MYO16: variants seen among roughly 807,000 people sequenced by gnomAD.
MYO16 encodes myosin XVI, also known as unconventional myosin-XVI.
A neutral mutation model predicts 205.3 loss-of-function variants in MYO16; 94 were observed. The observed-to-expected ratio is 0.46, with a 90% CI of 0.39 to 0.54. The LOEUF (loss-of-function observed/expected upper bound fraction) is 0.54, where lower values mean the gene tolerates loss of function less well. Among genes scored for constraint, MYO16 ranks in the 20% least tolerant of loss-of-function variants. MYO16 has a pLI of 0.00. For synonymous variants in MYO16, 988 were observed against 954.0 expected (o/e 1.04, Z -0.66); for missense variants, 2,315 against 2,387.5 (o/e 0.97, Z 0.63).
intron 2 of MYO16, among the ~76,000 whole-genome samples, chr13:108,679,090 G>A (rs955458463): frequency 6.6e-6 from 1 of 152,128 alleles, no homozygotes; most frequent in Non-Finnish European, 1.5e-5. Context: ...CCACCTCCTA[G>A]TACCATCACA....
chr13:108,635,531 C>T (rs1180750086), intron 1 of MYO16, among the ~76,000 whole-genome samples: 2 of 149,706 alleles, frequency 1.3e-5, no homozygotes, highest in Non-Finnish European at 3.0e-5. Flanking sequence ...GAGGGAGTCT[C>T]ACTCTGTCAC....
At position 109,047,311 on chromosome 13, in the gene MYO16, C is replaced by T. The variant is rs529589427; in HGVS notation, c.2872+320C>T. Reference sequence around the variant, plus strand: ...TAATGAAGATGAGTATGGCTTCCAACGTTATTTAAGCCACAACAGGGAGAA... The same window carrying T: ...TAATGAAGATGAGTATGGCTTCCAATGTTATTTAAGCCACAACAGGGAGAA... On this transcript the variant is annotated intron_variant, in intron 24 of 34. Transcript: ENST00000457511. Among the ~76,000 whole-genome samples, 8 of 152,172 alleles carry T rather than the reference C, an allele frequency of 5.3e-5. No individual in the cohort carries two copies. In the South Asian group the frequency reaches 1.5e-3, roughly 28 times the overall value.
Position 109,063,357 on chromosome 13 carries a change from C to G in MYO16, c.3335+7762C>G, listed in dbSNP as rs200004502. On this transcript the variant is annotated intron_variant, in intron 27 of 34. Transcript: ENST00000457511. ...TATAAAGACTTAAGGACTCTGTCTT[C>G]AATGGCAAGAGACTTCACTAGTTTG... is the stretch of plus-strand genomic sequence containing the variant. Among the ~76,000 whole-genome samples, 52 of 152,238 alleles carry G rather than the reference C, an allele frequency of 3.4e-4. No individual in the cohort carries two copies. The East Asian group carries it at 9.8e-3, about 29-fold the overall frequency.
chr13:108,636,361 T>G (rs1453561252), intron 1 of MYO16, among the ~76,000 whole-genome samples: 19,182 of 91,538 alleles, frequency 0.21, 1,849 homozygotes, highest in African/African-American at 0.28. Context: ...TTTTTTTTTT[T>G]TTTTTTTTTG....
At chr13:108,629,925 A>G in intron 1 of MYO16, 53 bp downstream of exon 1, 2 of 1,481,676 alleles carry the variant, frequency 1.3e-6, no homozygotes, top group Non-Finnish European at 1.8e-6. Context: ...TTGAAGTATT[A>G]TTTTGTGCAG....
intron 22 of MYO16, among the ~76,000 whole-genome samples, chr13:109,018,508 C>T (rs561388926): frequency 9.2e-4 from 140 of 152,334 alleles, no homozygotes; most frequent in Non-Finnish European, 1.8e-3. Flanking sequence ...GGGAGAACCA[C>T]TGCTCTCTTC....
chr13:108,524,799 A>C, the MYO16 span, among the ~76,000 whole-genome samples: 1 of 152,192 alleles, frequency 6.6e-6, no homozygotes, highest in Non-Finnish European at 1.5e-5. Context: ...TAAATGATTA[A>C]GAGTGAGACG....
intron 16 of MYO16, among the ~76,000 whole-genome samples, chr13:108,921,355 C>T (rs1331474094): frequency 6.6e-6 from 1 of 152,166 alleles, no homozygotes; most frequent in Non-Finnish European, 1.5e-5. Context: ...AAATCTACTC[C>T]AGCCTGGCCT....
intron 1 of MYO16, among the ~76,000 whole-genome samples, chr13:108,608,336 G>A (rs931872146): frequency 1.3e-5 from 2 of 152,100 alleles, no homozygotes; most frequent in African/African-American, 4.8e-5. Flanking sequence ...CTAATAATTT[G>A]CCATTATATA....
At chr13:108,606,711 GC>G (rs570632003) in intron 1 of MYO16, among the ~76,000 whole-genome samples, 123 of 152,306 alleles carry the variant, frequency 8.1e-4, no homozygotes, top group Admixed American at 7.1e-3. Context: ...CCCCATTGGG[GC>G]ACTGTCTAGT....
intron 20 of MYO16, among the ~76,000 whole-genome samples, chr13:108,986,414 G>A (rs1277726149): frequency 6.6e-6 from 1 of 152,026 alleles, no homozygotes; most frequent in Non-Finnish European, 1.5e-5. Flanking sequence ...CCTGAGGTCA[G>A]GAGTTTGAGA....
the MYO16 span, among the ~76,000 whole-genome samples, chr13:108,561,260 G>A: frequency 6.6e-6 from 1 of 152,240 alleles, no homozygotes; most frequent in African/African-American, 2.4e-5. Context: ...ACTATGGACT[G>A]TCTCTTTCCC....
chr13:109,178,265 C>T (rs1022047041), intron 33 of MYO16, among the ~76,000 whole-genome samples: 2 of 151,998 alleles, frequency 1.3e-5, no homozygotes, highest in African/African-American at 4.8e-5. Flanking sequence ...TGCCTGTGGC[C>T]GAGATCTGTT....
chr13:109,157,573 CA>C (rs1878131528), intron 32 of MYO16, among the ~76,000 whole-genome samples: 1 of 152,226 alleles, frequency 6.6e-6, no homozygotes, highest in Non-Finnish European at 1.5e-5. Flanking sequence ...GAGCATTTTG[CA>C]GAGCTCCCAT....
At chr13:108,962,663 C>G (rs1883634218) in intron 19 of MYO16, among the ~76,000 whole-genome samples, 168 bp downstream of exon 19, 1 of 151,992 alleles carries the variant, frequency 6.6e-6, no homozygotes, top group Non-Finnish European at 1.5e-5. Flanking sequence ...AGTGTAGACT[C>G]TTTATGCTCC....
intron 14 of MYO16, among the ~76,000 whole-genome samples, chr13:108,897,632 T>G (rs1880492452): frequency 6.6e-6 from 1 of 152,260 alleles, no homozygotes; most frequent in African/African-American, 2.4e-5. Flanking sequence ...GACTTTTGCC[T>G]ATATTAATTC....
chr13:108,822,376 G>T (rs406644), intron 8 of MYO16, among the ~76,000 whole-genome samples: 137,222 of 152,128 alleles, frequency 0.9, 63,606 homozygotes, highest in East Asian at 1. Flanking sequence ...AACTCTAATT[G>T]ATAGACATAG....
intron 28 of MYO16, among the ~76,000 whole-genome samples, chr13:109,112,244 T>C (rs2139740189): frequency 6.6e-6 from 1 of 152,272 alleles, no homozygotes; most frequent in African/African-American, 2.4e-5. Context: ...TTGAAGTTTC[T>C]AGAAGACCAA....
intron 10 of MYO16, among the ~76,000 whole-genome samples, chr13:108,851,465 C>A (rs1877860724): frequency 6.6e-6 from 1 of 152,170 alleles, no homozygotes; most frequent in African/African-American, 2.4e-5. Context: ...CAAGTGATTT[C>A]TCCTCTAGAA....
Sources: gnomAD v4.1 joint callset for allele counts (sites outside exome capture counted in the v4.1 genomes callset) on GRCh38, gnomAD v4.1.1 for gene constraint, MANE v1.5 for transcripts, NCBI Gene and HGNC (gene_info 2026-07-23, HGNC 2026-07-21) for gene names.